Variants in NDRG2 observed in about 807,000 individuals in gnomAD.
NDRG2 encodes the protein protein NDRG2.
Under a neutral mutation model 58.2 loss-of-function variants are expected in NDRG2, and 34 were observed. The observed-to-expected ratio is 0.58, with a 90% CI of 0.44 to 0.78. The LOEUF is 0.78. Among genes scored for constraint, NDRG2 ranks in the 30% least tolerant of loss-of-function variants. The pLI, the probability that NDRG2 is intolerant of heterozygous loss-of-function variation, is 0.00. For missense variants in NDRG2, 434 were observed against 471.2 expected (o/e 0.92, Z 0.73); for synonymous variants, 187 against 175.9 (o/e 1.06, Z -0.50).
intron 1 of NDRG2, among the ~76,000 whole-genome samples, chr14:21,053,341 A>C (rs978510033): frequency 6.6e-6 from 1 of 152,072 alleles, no homozygotes; most frequent in Non-Finnish European, 1.5e-5. Flanking sequence ...AATTAGCCGC[A>C]CTTTGGCCGG....
intron 1 of NDRG2, among the ~76,000 whole-genome samples, chr14:21,057,478 A>G (rs1195795160): frequency 6.6e-6 from 1 of 151,920 alleles, no homozygotes; most frequent in Non-Finnish European, 1.5e-5. Context: ...GATTTCTCAC[A>G]GTCTCAGAAA....
At chr14:21,068,511 C>G (rs1346464971) in intron 1 of NDRG2, among the ~76,000 whole-genome samples, 1 of 152,140 alleles carries the variant, frequency 6.6e-6, no homozygotes, top group Admixed American at 6.5e-5. Context: ...TTCAGACACT[C>G]TCAACACCGA....
intron 8 of NDRG2, 109 bp downstream of exon 8, chr14:21,020,387 C>T: frequency 2.4e-6 from 2 of 818,762 alleles, no homozygotes; most frequent in Non-Finnish European, 4.1e-6. Flanking sequence ...CCCCTTTACT[C>T]CCTCCTTGAA....
chr14:21,020,706 C>G (rs1879681671), intron 7 of NDRG2, 78 bp downstream of exon 7: 9 of 1,597,630 alleles, frequency 5.6e-6, no homozygotes, highest in Non-Finnish European at 6.9e-6. Context: ...ACTTCCTCCC[C>G]CAAACAGCAC....
At chr14:21,030,762 G>A (rs777973284), upstream of NDRG2, 31 of 1,612,686 alleles carry the variant, frequency 1.9e-5, no homozygotes, top group Non-Finnish European at 2.5e-5. Context: ...CAAGTGAGGA[G>A]CCAAAAATAT....
At chr14:21,019,228 C>T in intron 10 of NDRG2, 68 bp from the exon 11 acceptor site, 1 of 1,360,554 alleles carries the variant, frequency 7.3e-7, no homozygotes, top group South Asian at 1.3e-5. Flanking sequence ...TAAGCTATCT[C>T]TCCCATGATG....
At chr14:21,017,949 T>C (rs1444697010) in intron 15 of NDRG2, 38 bp downstream of exon 15, 5 of 1,613,944 alleles carry the variant, frequency 3.1e-6, no homozygotes, top group Non-Finnish European at 4.2e-6. Context: ...AGTGCCTATC[T>C]CTCCTCTAGT....
chr14:21,035,685 T>C, intron 1 of NDRG2: 1 of 438,316 alleles, frequency 2.3e-6, no homozygotes, highest in Non-Finnish European at 4.6e-6. Context: ...AGATTGGTGT[T>C]CCTCATGTAG....
chr14:21,020,633 C>T, intron 7 of NDRG2, 51 bp from the exon 8 acceptor site: 2 of 1,597,900 alleles, frequency 1.3e-6, no homozygotes, highest in South Asian at 1.1e-5. Flanking sequence ...GGCCTTATCC[C>T]CTCCCCGCTA....
chr14:21,022,540 G>T (rs764707607), intron 3 of NDRG2, 43 bp from the exon 4 acceptor site: 1 of 1,482,684 alleles, frequency 6.7e-7, no homozygotes, highest in East Asian at 2.3e-5. Context: ...CAGAGGAGAC[G>T]AGGCCAGAAA....
chr14:21,049,333 G>A (rs548245854), intron 1 of NDRG2, among the ~76,000 whole-genome samples: 5 of 152,130 alleles, frequency 3.3e-5, no homozygotes, highest in Admixed American at 6.5e-5. Flanking sequence ...CTCCACCAAC[G>A]CCTGTGACTC....
intron 1 of NDRG2, among the ~76,000 whole-genome samples, chr14:21,039,645 C>G (rs1295930647): frequency 6.6e-6 from 1 of 152,208 alleles, no homozygotes; most frequent in African/African-American, 2.4e-5. Context: ...GGCACACAAA[C>G]AAAATCACCT....
At chr14:21,046,101 C>T (rs1457601070) in intron 1 of NDRG2, among the ~76,000 whole-genome samples, 1 of 152,100 alleles carries the variant, frequency 6.6e-6, no homozygotes, top group South Asian at 2.1e-4. Context: ...AATCATAATA[C>T]ACCAATCAAT....
intron 1 of NDRG2, chr14:21,031,314 A>G: frequency 9.2e-7 from 1 of 1,089,530 alleles, no homozygotes; most frequent in Admixed American, 3.2e-5. Flanking sequence ...AGTCAGGAAA[A>G]TGTGGCCCAG....
At chr14:21,043,119 C>T in intron 1 of NDRG2, 2 of 1,614,184 alleles carry the variant, frequency 1.2e-6, no homozygotes, top group South Asian at 2.2e-5. Context: ...TAAAATTCAG[C>T]ACATGCAGCC....
chr14:21,021,543 C>T (rs1240609754), intron 6 of NDRG2: 1 of 465,972 alleles, frequency 2.1e-6, no homozygotes, highest in Non-Finnish European at 3.9e-6. Context: ...TCCTCCCTGA[C>T]TTTCTGATCA....
rs1886647835 is a variant in NDRG2, at chr14:21,070,484, C to T, written c.24+344G>A. 7.4e-6 allele frequency: 10 copies of T among 1,349,168 alleles called. No homozygotes were observed. Among genetic ancestry groups the T allele is most frequent in the African/African-American group, 4.5e-5 (3 of 66,554 alleles). The allele number at this position is 1,349,168 out of a possible 1,614,324, so 83.6% of individuals were successfully genotyped here. A position where few individuals can be genotyped will look rare whatever the true frequency, so the allele number is the denominator to read the frequency against. On this transcript the variant is annotated intron_variant, in intron 1 of 14. Transcript: ENST00000403829. The surrounding 1 kb of genome is among the most constrained non-coding windows in gnomAD (Gnocchi z 4.7). ...CCCCAAGTCCTCAGCCTGGTGCCTC[C>T]CGAGCCTGCCTCGGACTGTTCGGCC... is the stretch of plus-strand genomic sequence containing the variant.
chr14:21,024,277 A>C lies in NDRG2; in HGVS notation c.-254T>G. Reference sequence around the variant, plus strand: ...CACGTCCTCTCTAGGCTCGAGCCGGAATCAATATAGGCTACAAGGGCATCA... The same window carrying C: ...CACGTCCTCTCTAGGCTCGAGCCGGCATCAATATAGGCTACAAGGGCATCA... On this transcript the variant is annotated 5_prime_UTR_variant, in exon 1 of 16. In the 5' UTR this introduces an upstream ATG that the reference lacks. Transcript: ENST00000556147. The C allele has an allele frequency of 5.1e-6, 5 of 985,454 alleles. No individual in the cohort carries two copies. The highest frequency in any genetic ancestry group is 6.0e-6 in the Non-Finnish European group (5 of 830,014). The allele number at this position is 985,454 out of a possible 1,614,324, so 61.0% of individuals were successfully genotyped here.
At chr14:21,049,757 ATCTT>A (rs1198096416) in intron 1 of NDRG2, among the ~76,000 whole-genome samples, 1 of 149,742 alleles carries the variant, frequency 6.7e-6, no homozygotes, top group Non-Finnish European at 1.5e-5. Flanking sequence ...GATCTCAGAC[ATCTT>A]TCTTCTTTTT....
Sources: allele counts gnomAD v4.1 joint callset (sites outside exome capture counted in the v4.1 genomes callset), GRCh38; gene constraint gnomAD v4.1.1; non-coding constraint Gnocchi (gnomAD v3.1); transcripts MANE v1.5; gene names NCBI Gene and HGNC (gene_info 2026-07-23, HGNC 2026-07-21).